Variants in ROBO1 observed in about 807,000 individuals in gnomAD.
ROBO1 encodes the protein roundabout guidance receptor 1.
In ROBO1, 149 loss-of-function variants were observed where a neutral mutation model predicts 195.9. The ratio of observed to expected loss-of-function variants is 0.76; its 90% CI spans 0.67 to 0.87. ROBO1 has a LOEUF of 0.87. Ranked by LOEUF, ROBO1 falls within the 40% of genes least tolerant of loss-of-function variation. The pLI, the probability that ROBO1 is intolerant of heterozygous loss-of-function variation, is 0.00. For missense variants in ROBO1, 1,933 were observed against 2,068.3 expected (o/e 0.93, Z 1.27); for synonymous variants, 816 against 733.2 (o/e 1.11, Z -1.82).
At chr3:79,262,061 C>G (rs80079955) in intron 2 of ROBO1, among the ~76,000 whole-genome samples, 1 of 152,164 alleles carries the variant, frequency 6.6e-6, no homozygotes, top group African/African-American at 2.4e-5. Flanking sequence ...AACATGTGCT[C>G]TTGGTCAACA....
At chr3:79,237,979 C>T (rs1400342989) in intron 2 of ROBO1, among the ~76,000 whole-genome samples, 1 of 152,160 alleles carries the variant, frequency 6.6e-6, no homozygotes, top group Non-Finnish European at 1.5e-5. Flanking sequence ...TCTTCTGTCA[C>T]ACCTGACCTA....
chr3:78,631,308 A>C lies in ROBO1; in HGVS notation c.3482-3T>G, dbSNP rs1234005893. On this transcript the variant is annotated splice_polypyrimidine_tract_variant and splice_region_variant and intron_variant, in intron 24 of 30. Coordinates refer to ENST00000464233, the MANE Select transcript of ROBO1 (RefSeq NM_002941.4). ...CCCTTTCTTGTGCCCCTGACTCCCT[A>C]GAAAGGAAATAAAATAGAAGCCATT... The C allele has an allele frequency of 6.2e-7, 1 of 1,612,348 alleles. No homozygotes were observed. The highest frequency in any genetic ancestry group is 1.7e-5 in the Admixed American group (1 of 59,890).
chr3:78,894,428 C>T (rs1182666751), intron 4 of ROBO1, among the ~76,000 whole-genome samples: 2 of 152,096 alleles, frequency 1.3e-5, no homozygotes, highest in Non-Finnish European at 2.9e-5. Context: ...AAAATGTCCT[C>T]AGATATTAGA....
At chr3:78,605,268 G>GT (rs1157956634) in intron 29 of ROBO1, among the ~76,000 whole-genome samples, 2 of 152,100 alleles carry the variant, frequency 1.3e-5, no homozygotes, top group African/African-American at 4.8e-5. Context: ...AAATCTCTGG[G>GT]TCGGTCAATC....
At chr3:79,280,528 G>A (rs1037072988) in intron 2 of ROBO1, among the ~76,000 whole-genome samples, 10 of 152,068 alleles carry the variant, frequency 6.6e-5, no homozygotes, top group African/African-American at 2.4e-4. Flanking sequence ...TTTAAACTGG[G>A]ATTAATGTGG....
At chr3:79,185,780 T>C (rs957107253) in intron 2 of ROBO1, among the ~76,000 whole-genome samples, 6 of 152,154 alleles carry the variant, frequency 3.9e-5, no homozygotes, top group Non-Finnish European at 7.4e-5. Context: ...TATTAAATGT[T>C]TCATCTTGTG....
At chr3:79,221,919 T>C (rs148471383) in intron 2 of ROBO1, among the ~76,000 whole-genome samples, 74 of 152,240 alleles carry the variant, frequency 4.9e-4, no homozygotes, top group African/African-American at 1.7e-3. Flanking sequence ...CAAATACTGT[T>C]CAAATATACA....
chr3:79,574,881 A>C (rs1358554279), intron 2 of ROBO1, among the ~76,000 whole-genome samples: 2 of 151,658 alleles, frequency 1.3e-5, no homozygotes, highest in East Asian at 3.9e-4. Context: ...AATCAACTAA[A>C]CACAAACAAA....
chr3:79,706,541 A>C (rs1171183860), intron 1 of ROBO1, among the ~76,000 whole-genome samples: 1 of 152,066 alleles, frequency 6.6e-6, no homozygotes. Flanking sequence ...CCCAAATCTC[A>C]TCTTGATCTT....
At chr3:79,369,723 A>C (rs1252449365) in intron 2 of ROBO1, among the ~76,000 whole-genome samples, 2 of 151,274 alleles carry the variant, frequency 1.3e-5, no homozygotes, top group Non-Finnish European at 2.9e-5. Context: ...GAATGAGCAG[A>C]TTTCTGGTCT....
chr3:79,229,547 A>C (rs185755298), intron 2 of ROBO1, among the ~76,000 whole-genome samples: 1 of 152,172 alleles, frequency 6.6e-6, no homozygotes, highest in East Asian at 1.9e-4. Context: ...CCTAGGCTCA[A>C]ATGATTCTCC....
At chr3:79,049,474 T>C (rs1488827776) in intron 3 of ROBO1, among the ~76,000 whole-genome samples, 1 of 152,078 alleles carries the variant, frequency 6.6e-6, no homozygotes, top group Non-Finnish European at 1.5e-5. Flanking sequence ...AAAACGCTCC[T>C]CAGAATATTA....
intron 4 of ROBO1, among the ~76,000 whole-genome samples, chr3:78,760,540 C>T (rs2108363606): frequency 6.6e-6 from 1 of 152,282 alleles, no homozygotes; most frequent in East Asian, 1.9e-4. Flanking sequence ...TACAGGCTCA[C>T]AGCCTGTATA....
chr3:79,739,393 A>G (rs1400876276), intron 1 of ROBO1, among the ~76,000 whole-genome samples: 1 of 152,170 alleles, frequency 6.6e-6, no homozygotes, highest in African/African-American at 2.4e-5. Flanking sequence ...TCCTGGAGCT[A>G]AACCTTTGTA....
intron 4 of ROBO1, among the ~76,000 whole-genome samples, chr3:78,842,258 TTA>T (rs1377752367): frequency 7.3e-6 from 1 of 136,148 alleles, no homozygotes; most frequent in Non-Finnish European, 1.6e-5. Flanking sequence ...ATATATATAT[TTA>T]TATATATGAG....
intron 2 of ROBO1, among the ~76,000 whole-genome samples, chr3:79,484,414 T>C (rs923686182): frequency 6.6e-6 from 1 of 152,148 alleles, no homozygotes. Context: ...TCTTGTAGAT[T>C]TAAAGTCATT....
chr3:78,660,236 A>G (rs1707311466), intron 16 of ROBO1: 1 of 156,038 alleles, frequency 6.4e-6, no homozygotes, highest in East Asian at 1.9e-4. Flanking sequence ...TGTTTTAAAG[A>G]TGTATCTCAT....
At chr3:79,032,500 CTT>C (rs2078313709) in intron 3 of ROBO1, among the ~76,000 whole-genome samples, 1 of 151,832 alleles carries the variant, frequency 6.6e-6, no homozygotes, top group Non-Finnish European at 1.5e-5. Flanking sequence ...TTTGCAAAAA[CTT>C]AAGATGAGAA....
chr3:79,340,973 C>G (rs1559830541), intron 2 of ROBO1, among the ~76,000 whole-genome samples: 1 of 152,048 alleles, frequency 6.6e-6, no homozygotes, highest in South Asian at 2.1e-4. Flanking sequence ...CAAAATGGCT[C>G]CTAAGTATAC....
Sources: allele counts gnomAD v4.1 joint callset (sites outside exome capture counted in the v4.1 genomes callset), GRCh38; gene constraint gnomAD v4.1.1; transcripts MANE v1.5; gene names NCBI Gene and HGNC (gene_info 2026-07-23, HGNC 2026-07-21).